The following LRFN5 variants were observed in gnomAD, a reference collection of about 807,000 sequenced individuals.
LRFN5 encodes leucine-rich repeat and fibronectin type-III domain-containing protein 5.
In LRFN5, 24 loss-of-function variants were observed where a neutral mutation model predicts 45.6. That is an observed-to-expected ratio of 0.53 (90% CI 0.38 to 0.74). The LOEUF is 0.74. LRFN5 is among the 30% of genes least tolerant of loss of function. The pLI, the probability that LRFN5 is intolerant of heterozygous loss-of-function variation, is 0.00. For synonymous variants in LRFN5, 340 were observed against 313.8 expected, an observed-to-expected ratio of 1.08 and a Z score of -0.88; for missense variants, 776 against 861.5, an observed-to-expected ratio of 0.90 and a Z score of 1.24.
chr14:41,634,508 C>G (rs1323775932), intron 1 of LRFN5, among the ~76,000 whole-genome samples: 1 of 152,106 alleles, frequency 6.6e-6, no homozygotes, highest in Non-Finnish European at 1.5e-5. Flanking sequence ...TGTACTTCAA[C>G]AGTAGAAATA....
At chr14:41,899,084 C>G in intron 5 of LRFN5, 124 bp downstream of exon 5, 1 of 722,918 alleles carries the variant, frequency 1.4e-6, no homozygotes, top group Non-Finnish European at 2.2e-6. Context: ...TTAAAATTTA[C>G]TTATAATTCT....
chr14:41,621,046 C>G (rs1888118743), intron 1 of LRFN5, among the ~76,000 whole-genome samples: 1 of 151,906 alleles, frequency 6.6e-6, no homozygotes, highest in Non-Finnish European at 1.5e-5. Flanking sequence ...TAGAAGGAAA[C>G]TAATTTTGTT....
intron 1 of LRFN5, among the ~76,000 whole-genome samples, chr14:41,617,572 G>A (rs137894050): frequency 1.3e-5 from 2 of 151,904 alleles, no homozygotes; most frequent in African/African-American, 2.4e-5. Context: ...TGTGCTTTTG[G>A]TACTCTATGA....
chr14:41,669,213 T>G (rs1301360942), intron 1 of LRFN5, among the ~76,000 whole-genome samples: 1 of 151,620 alleles, frequency 6.6e-6, no homozygotes, highest in Non-Finnish European at 1.5e-5. Flanking sequence ...GAGGAAAACA[T>G]GAGGACATTT....
rs538709106 is a variant in LRFN5, at chr14:41,802,578, A to G, written c.-21+35549A>G. Among the ~76,000 whole-genome samples the G allele has an allele frequency of 9.2e-5, 14 of 152,312 alleles. No homozygotes were observed. In the South Asian group the frequency reaches 2.9e-3, roughly 32 times the overall value. ...GAGTTGGAAAAATGTTTTGTCAAGG[A>G]AAGTCTGTCACCATAGAATAATTTA... On this transcript the variant is annotated intron_variant, in intron 2 of 5. Transcript: ENST00000298119.
At chr14:41,864,118 T>A (rs1484215628) in intron 2 of LRFN5, among the ~76,000 whole-genome samples, 4 of 152,192 alleles carry the variant, frequency 2.6e-5, no homozygotes, top group African/African-American at 9.7e-5. Flanking sequence ...TTGTGAATAG[T>A]GCTACAATAA....
intron 2 of LRFN5, among the ~76,000 whole-genome samples, chr14:41,829,760 G>T (rs762657044): frequency 1.3e-5 from 2 of 150,564 alleles, no homozygotes; most frequent in South Asian, 4.2e-4. Flanking sequence ...AATATTTTTT[G>T]AACTTTCTGA....
intron 3 of LRFN5, among the ~76,000 whole-genome samples, chr14:41,890,601 G>T (rs1047015008): frequency 6.6e-6 from 1 of 151,632 alleles, no homozygotes; most frequent in Non-Finnish European, 1.5e-5. Context: ...CAGCTACTCG[G>T]CAGGCTGAGG....
At chr14:41,837,532 G>A (rs1191319247) in intron 2 of LRFN5, among the ~76,000 whole-genome samples, 1 of 152,130 alleles carries the variant, frequency 6.6e-6, no homozygotes, top group African/African-American at 2.4e-5. Context: ...CAACCTCTCA[G>A]CTGTACAATC....
chr14:41,666,324 C>G (rs1222009771), intron 1 of LRFN5, among the ~76,000 whole-genome samples: 1 of 151,930 alleles, frequency 6.6e-6, no homozygotes. Context: ...TCAAAAAATT[C>G]TAGCCTTAGT....
chr14:41,833,287 T>A lies in LRFN5; in HGVS notation c.-20-53319T>A, dbSNP rs375560185. Among the ~76,000 whole-genome samples the A allele has an allele frequency of 3.9e-5, 6 of 152,268 alleles. No homozygotes were observed. In the East Asian group the frequency reaches 5.8e-4, roughly 15 times the overall value. On this transcript the variant is annotated intron_variant, in intron 2 of 5. Transcript: ENST00000298119. Reference sequence around the variant, plus strand: ...GGAAAAGTCAGCTTATCCACCTGATTGTTAGGATCCTCTGCTGAGGTGGCT... The same window carrying A: ...GGAAAAGTCAGCTTATCCACCTGATAGTTAGGATCCTCTGCTGAGGTGGCT...
At chr14:41,618,299 C>T (rs1887991417) in intron 1 of LRFN5, among the ~76,000 whole-genome samples, 1 of 152,190 alleles carries the variant, frequency 6.6e-6, no homozygotes, top group Non-Finnish European at 1.5e-5. Flanking sequence ...ATGTGTGTTT[C>T]TCTTCTCTTT....
chr14:41,847,589 A>G (rs1332533729), intron 2 of LRFN5, among the ~76,000 whole-genome samples: 1 of 152,004 alleles, frequency 6.6e-6, no homozygotes, highest in Non-Finnish European at 1.5e-5. Context: ...TGCTCTCACT[A>G]TATTTTAATC....
At chr14:41,829,697 T>G (rs1233560668) in intron 2 of LRFN5, among the ~76,000 whole-genome samples, 3 of 145,554 alleles carry the variant, frequency 2.1e-5, no homozygotes, top group Non-Finnish European at 4.6e-5. Context: ...TATATATTTG[T>G]GTGTGTGCTT....
At chr14:41,783,022 C>T (rs528439718) in intron 2 of LRFN5, among the ~76,000 whole-genome samples, 22 of 128,028 alleles carry the variant, frequency 1.7e-4, no homozygotes, top group Admixed American at 3.7e-4. Flanking sequence ...CTAGTGTTGG[C>T]TCAAGTGGGT....
chr14:41,849,297 C>T (rs1188318044), intron 2 of LRFN5, among the ~76,000 whole-genome samples: 1 of 152,036 alleles, frequency 6.6e-6, no homozygotes, highest in Admixed American at 6.6e-5. Flanking sequence ...AAGATCTTAA[C>T]CCATCCCTAG....
intron 1 of LRFN5, among the ~76,000 whole-genome samples, chr14:41,716,379 G>A (rs966524096): frequency 6.6e-5 from 10 of 152,008 alleles, no homozygotes; most frequent in Admixed American, 2.6e-4. Context: ...GAACTTTTAT[G>A]TTCTGCTTCC....
At chr14:41,648,739 C>T (rs141611589) in intron 1 of LRFN5, among the ~76,000 whole-genome samples, 7 of 152,142 alleles carry the variant, frequency 4.6e-5, no homozygotes, top group African/African-American at 1.7e-4. Context: ...CTCCCCTCCA[C>T]TCCGCCCTCC....
chr14:41,674,637 T>A (rs1254445901), intron 1 of LRFN5, among the ~76,000 whole-genome samples: 1 of 148,078 alleles, frequency 6.8e-6, no homozygotes, highest in Non-Finnish European at 1.5e-5. Flanking sequence ...ACGGGGCGGT[T>A]GGCCAGGTGG....
Sources: gnomAD v4.1 joint callset for allele counts (sites outside exome capture counted in the v4.1 genomes callset) on GRCh38, gnomAD v4.1.1 for gene constraint, MANE v1.5 for transcripts, NCBI Gene and HGNC (gene_info 2026-07-23, HGNC 2026-07-21) for gene names.